Variants in ABCC1 observed in about 807,000 individuals in gnomAD.
ABCC1 encodes the protein ATP binding cassette subfamily C member 1 (ABCC1 blood group).
Under a neutral mutation model 172.9 loss-of-function variants are expected in ABCC1, and 83 were observed. The observed-to-expected ratio is 0.48, with a 90% CI of 0.40 to 0.58. The LOEUF (loss-of-function observed/expected upper bound fraction) is 0.58. ABCC1 is among the 20% of genes least tolerant of loss of function. The pLI, the probability that ABCC1 is intolerant of heterozygous loss-of-function variation, is 0.00. For synonymous variants in ABCC1, 937 were observed against 825.2 expected, an observed-to-expected ratio of 1.14 and a Z score of -2.32; for missense variants, 1,817 against 2,002.7, an observed-to-expected ratio of 0.91 and a Z score of 1.77.
At chr16:16,101,389 T>C (rs893420597) in intron 19 of ABCC1, among the ~76,000 whole-genome samples, 6 of 152,160 alleles carry the variant, frequency 3.9e-5, no homozygotes, top group African/African-American at 1.4e-4. Flanking sequence ...AGACTGAGAA[T>C]TCCTGGCATG....
intron 18 of ABCC1, among the ~76,000 whole-genome samples, chr16:16,087,709 T>C (rs530989597): frequency 1.3e-5 from 2 of 152,220 alleles, no homozygotes; most frequent in Non-Finnish European, 2.9e-5. Context: ...TCTGCCCGCC[T>C]GGGTCTCCTG....
intron 12 of ABCC1, among the ~76,000 whole-genome samples, chr16:16,067,625 A>G (rs776777194): frequency 6.6e-6 from 1 of 152,200 alleles, no homozygotes; most frequent in Non-Finnish European, 1.5e-5. Flanking sequence ...GAAATATGGC[A>G]AAGTGTATGG....
intron 5 of ABCC1, 50 bp downstream of exon 5, chr16:16,016,671 G>A (rs375776434): frequency 4.4e-6 from 7 of 1,607,246 alleles, no homozygotes; most frequent in Non-Finnish European, 5.1e-6. Context: ...TGAGAGAGAT[G>A]CGTGACACAG....
intron 19 of ABCC1, among the ~76,000 whole-genome samples, chr16:16,095,893 C>T (rs540875599): frequency 2.2e-4 from 33 of 148,612 alleles, no homozygotes; most frequent in African/African-American, 8.4e-4. Context: ...ATATTTTTCC[C>T]TCTTAAGTAT....
chr16:16,068,067 C>G, intron 12 of ABCC1, 89 bp from the exon 13 acceptor site: 1 of 1,533,330 alleles, frequency 6.5e-7, no homozygotes, highest in Non-Finnish European at 8.9e-7. Flanking sequence ...TGGGGAGGGC[C>G]CAAGCGCGTC....
At chr16:16,059,211 G>C (rs2049801244) in intron 12 of ABCC1, among the ~76,000 whole-genome samples, 1 of 152,184 alleles carries the variant, frequency 6.6e-6, no homozygotes, top group Non-Finnish European at 1.5e-5. Context: ...CACTGAAACG[G>C]AATCTGAGTT....
At chr16:16,000,760 A>G (rs2047280898) in intron 1 of ABCC1, among the ~76,000 whole-genome samples, 1 of 152,234 alleles carries the variant, frequency 6.6e-6, no homozygotes, top group African/African-American at 2.4e-5. Flanking sequence ...GTGCCTAGCC[A>G]GATTATTACT....
intron 2 of ABCC1, 133 bp downstream of exon 2, chr16:16,008,125 A>G: frequency 1.1e-6 from 1 of 934,260 alleles, no homozygotes; most frequent in Non-Finnish European, 1.6e-6. Flanking sequence ...CAGAAGAATA[A>G]TGTGGGAGGT....
intron 1 of ABCC1, among the ~76,000 whole-genome samples, chr16:15,990,101 C>G (rs935779595): frequency 2.6e-5 from 4 of 152,062 alleles, no homozygotes; most frequent in African/African-American, 9.7e-5. Flanking sequence ...GTCACCCAGG[C>G]TGGAGTACAG....
intron 8 of ABCC1, among the ~76,000 whole-genome samples, chr16:16,045,177 A>C (rs1311903421): frequency 6.6e-6 from 1 of 151,940 alleles, no homozygotes; most frequent in Non-Finnish European, 1.5e-5. Flanking sequence ...TGAGGTGGGA[A>C]GATCACCTGA....
Position 16,079,388 on chromosome 16 carries a change from C to A in ABCC1, c.2025C>A (p.Ala675=), listed in dbSNP as rs367901301. 5.3e-5 allele frequency: 86 copies of A among 1,613,754 alleles called. No individual in the cohort carries two copies. The highest frequency in any genetic ancestry group is 8.8e-5 in the South Asian group (8 of 91,066). ...CCATCCCCGAAGGTGCTTTGGTGGCCGTGGTGGGCCAGGTGGGCTGCGGAA... is the reference window on the plus strand; with the variant it reads ...CCATCCCCGAAGGTGCTTTGGTGGCAGTGGTGGGCCAGGTGGGCTGCGGAA... ...TFSIPEGALV[A]VVGQVGCGKS... The change falls in exon 16 of 31, where the codon GCC becomes GCA. Residue 675 remains alanine, a synonymous_variant. Coordinates refer to ENST00000399410, the MANE Select transcript of ABCC1 (RefSeq NM_004996.4).
intron 23 of ABCC1, among the ~76,000 whole-genome samples, chr16:16,118,945 T>A (rs2045029545): frequency 6.7e-6 from 1 of 149,828 alleles, no homozygotes; most frequent in Admixed American, 6.6e-5. Flanking sequence ...GCATCTTGAT[T>A]CATAATCGCC....
chr16:16,081,720 CT>C (rs1391400216), intron 16 of ABCC1, among the ~76,000 whole-genome samples: 7 of 152,196 alleles, frequency 4.6e-5, no homozygotes, highest in Middle Eastern at 3.4e-3. Flanking sequence ...CTAGAATTCC[CT>C]TATTCAAGAA....
chr16:16,024,983 AG>A (rs2048323962), intron 5 of ABCC1, among the ~76,000 whole-genome samples: 1 of 152,110 alleles, frequency 6.6e-6, no homozygotes, highest in South Asian at 2.1e-4. Flanking sequence ...TGGTCAACAT[AG>A]TGAGACCCCA....
intron 2 of ABCC1, among the ~76,000 whole-genome samples, chr16:16,009,161 G>A (rs1475711352): frequency 1.3e-5 from 2 of 151,842 alleles, no homozygotes; most frequent in African/African-American, 4.8e-5. Flanking sequence ...GTCTCGCCTT[G>A]TTGCCCAGGC....
chr16:15,978,164 G>T (rs2046534631), intron 1 of ABCC1, among the ~76,000 whole-genome samples: 1 of 152,088 alleles, frequency 6.6e-6, no homozygotes, highest in African/African-American at 2.4e-5. Flanking sequence ...GAGGCCAGGA[G>T]CTTGAGACCA....
At chr16:15,964,933 C>G (rs1392539007) in intron 1 of ABCC1, among the ~76,000 whole-genome samples, 1 of 152,106 alleles carries the variant, frequency 6.6e-6, no homozygotes, top group African/African-American at 2.4e-5. Context: ...TATGCCTGGA[C>G]TAGTTTGTCT....
intron 4 of ABCC1, 45 bp from the exon 5 acceptor site, chr16:16,016,451 G>A: frequency 2.5e-6 from 4 of 1,610,380 alleles, no homozygotes; most frequent in Non-Finnish European, 3.4e-6. Context: ...ACCACACCCA[G>A]CCCCAGAATG....
At position 16,141,220 on chromosome 16, in the gene ABCC1, C is replaced by T. The variant is rs369410659; in HGVS notation, c.4535C>T (p.Ser1512Leu). The change falls in exon 31 of 31, where the codon TCG becomes TTG. Residue 1512 changes from serine to leucine, a missense_variant. By Grantham distance (145) the Ser-to-Leu change is moderately radical (BLOSUM62 -2). Around this residue, in one of 3 missense-constraint regions of ABCC1, gnomAD observed 1,412 missense variants for 1,600.3 expected, o/e 0.88. Coordinates refer to ENST00000399410, the MANE Select transcript of ABCC1 (RefSeq NM_004996.4). ...KGEIQEYGAP[S>L]DLLQQRGLFY... ...GAAATCCAGGAGTACGGCGCCCCAT[C>T]GGACCTCCTGCAGCAGAGAGGTCTT... is the stretch of plus-strand genomic sequence containing the variant. 38 of 1,614,062 alleles carry T rather than the reference C, an allele frequency of 2.4e-5. No homozygotes were observed. The highest frequency in any genetic ancestry group is 1.7e-4 in the Middle Eastern group (1 of 6,056).
Sources: allele counts gnomAD v4.1 joint callset (sites outside exome capture counted in the v4.1 genomes callset), GRCh38; gene constraint gnomAD v4.1.1; regional missense constraint gnomAD v4.1.1; transcripts MANE v1.5; gene names NCBI Gene and HGNC (gene_info 2026-07-23, HGNC 2026-07-21).